PINX1: variants seen among roughly 807,000 people sequenced by gnomAD.
PINX1 encodes PIN2 (TERF1) interacting telomerase inhibitor 1, also known as PIN2/TERF1-interacting telomerase inhibitor 1.
PINX1 carries 34 observed loss-of-function variants against 25.4 expected under a neutral mutation model. That is an observed-to-expected ratio of 1.34 (90% CI 1.02 to 1.78). PINX1 has a LOEUF of 1.78. PINX1 is among the 40% of genes most tolerant of loss of function. The pLI, the probability that PINX1 is intolerant of heterozygous loss-of-function variation, is 0.00. For missense variants in PINX1, 592 were observed against 404.9 expected, an observed-to-expected ratio of 1.46 and a Z score of -3.97; for synonymous variants, 197 against 147.7, an observed-to-expected ratio of 1.33 and a Z score of -2.42.
At chr8:10,828,770 G>C (rs558104355) in intron 4 of PINX1, among the ~76,000 whole-genome samples, 92 of 152,162 alleles carry the variant, frequency 6.0e-4, no homozygotes, top group African/African-American at 2.0e-3. Flanking sequence ...CCTTTCCCGG[G>C]TATCCCCTCC....
intron 6 of PINX1, among the ~76,000 whole-genome samples, chr8:10,788,666 G>C (rs1007002620): frequency 2.0e-5 from 3 of 152,198 alleles, no homozygotes; most frequent in Non-Finnish European, 4.4e-5. Context: ...CTGTGTCTAA[G>C]TGAAAGTGGT....
In PINX1 at chr8:10,839,752, G is replaced by A. The variant is rs1272052559; in HGVS notation, c.5C>T (p.Ser2Phe). The change falls in exon 1 of 7, where the codon TCT (serine) becomes TTT (phenylalanine). Residue 2 changes from serine (S) to phenylalanine (F), a missense_variant. By Grantham distance (155) the Ser-to-Phe change is radical. Coordinates refer to ENST00000314787, the MANE Select transcript of PINX1 (RefSeq NM_017884.6). MSMLAERRRKQK... is the reference protein window; with the variant it reads MFMLAERRRKQK... The stretch of plus-strand genomic sequence containing the variant: ...CCGACACTCACGTTCAGCCAGCATA[G>A]ACATGTCGGAGAGCCTGTGATACCG... 9 of 1,605,256 alleles carry A rather than the reference G, an allele frequency of 5.6e-6. No homozygotes were observed. Among genetic ancestry groups the A allele is most frequent in the African/African-American group, 1.3e-5 (1 of 74,862 alleles).
intron 5 of PINX1, chr8:10,825,271 G>A (rs1798000492): frequency 1.9e-6 from 1 of 520,612 alleles, no homozygotes; most frequent in Admixed American, 2.0e-5. Context: ...TGATACGCAT[G>A]ACATTCCTAG....
rs11989690 is a variant in PINX1, at chr8:10,821,170, C to A, written c.395-901G>T. ...GTCAGACACAGGAATGTGAGTCTCA[C>A]GCTGGAAGCCGAGTTCCACCGTCAC... On this transcript the variant is annotated intron_variant, in intron 5 of 6. Coordinates refer to ENST00000314787, the MANE Select transcript of PINX1 (RefSeq NM_017884.6). 8.8e-3 allele frequency among the ~76,000 whole-genome samples: 1,340 copies of A among 152,308 alleles called. 24 individuals carry two copies. The highest frequency in any genetic ancestry group is 0.031 in the African/African-American group (1,279 of 41,550).
At chr8:10,814,222 T>C (rs76418714) in intron 6 of PINX1, among the ~76,000 whole-genome samples, 2,626 of 152,186 alleles carry the variant, frequency 0.017, 92 homozygotes, top group African/African-American at 0.058. Context: ...AGGAAGAACT[T>C]GGAAATTAGA....
rs1001223213 is a variant in PINX1, at chr8:10,765,485, C to T, written c.903G>A (p.Lys301=). 3.1e-6 allele frequency: 5 copies of T among 1,613,436 alleles called. No homozygotes were observed. Among genetic ancestry groups the T allele is most frequent in the African/African-American group, 1.3e-5 (1 of 74,956 alleles). Residue 301 remains lysine, a synonymous_variant, in exon 7 of 7, where the codon AAG becomes AAA. Transcript: ENST00000314787. ...CTGCTATCTCTACTGGTTTTTGCAG[C>T]TTTTTCTTCCCTCTCCTCTTTTTGG... ...LKPKKRRGKK[K]LQKPVEIAED... is the part of the protein sequence containing the mutation.
chr8:10,839,679 C>G, intron 1 of PINX1, 59 bp downstream of exon 1: 1 of 1,542,160 alleles, frequency 6.5e-7, no homozygotes, highest in African/African-American at 1.4e-5. Context: ...GGCTGCCGTG[C>G]GCGTCACCCG....
intron 6 of PINX1, among the ~76,000 whole-genome samples, chr8:10,810,325 G>C (rs1473423880): frequency 1.3e-5 from 2 of 152,080 alleles, no homozygotes; most frequent in African/African-American, 4.8e-5. Context: ...GACCCCACTG[G>C]CATTTGTGTT....
chr8:10,790,430 G>A (rs1427809398), intron 6 of PINX1, among the ~76,000 whole-genome samples: 1 of 152,114 alleles, frequency 6.6e-6, no homozygotes, highest in East Asian at 1.9e-4. Context: ...GCCAGGGGGA[G>A]GAAGCAAGGG....
At chr8:10,819,691 A>G (rs1009294015) in intron 6 of PINX1, among the ~76,000 whole-genome samples, 1 of 152,224 alleles carries the variant, frequency 6.6e-6, no homozygotes, top group Non-Finnish European at 1.5e-5. Flanking sequence ...ATAATATTGT[A>G]TAATAGAGGA....
intron 6 of PINX1, among the ~76,000 whole-genome samples, chr8:10,780,364 G>A (rs575740277): frequency 6.6e-6 from 1 of 152,202 alleles, no homozygotes; most frequent in African/African-American, 2.4e-5. Context: ...TTCATAAGTG[G>A]CCTTTATTTT....
At chr8:10,838,964 G>C (rs1438005531) in intron 1 of PINX1, among the ~76,000 whole-genome samples, 1 of 152,164 alleles carries the variant, frequency 6.6e-6, no homozygotes, top group East Asian at 1.9e-4. Context: ...GTGCTGGTCT[G>C]CTTGATCTGT....
At position 10,796,302 on chromosome 8, in the gene PINX1, A is replaced by G. The variant is rs1043669091; in HGVS notation, c.471+23891T>C. On this transcript the variant is annotated intron_variant, in intron 6 of 6. Coordinates refer to ENST00000314787, the MANE Select transcript of PINX1 (RefSeq NM_017884.6). ...AAGACTCCAGGCATGCGAAAGGCAC[A>G]GGATCCCCGGGGGGAAATGGACAAT... 2.4e-4 allele frequency among the ~76,000 whole-genome samples: 37 copies of G among 152,290 alleles called. 1 individual carries two copies. Among genetic ancestry groups the G allele is most frequent in the African/African-American group, 8.7e-4 (36 of 41,566 alleles).
chr8:10,768,930 T>C (rs755487429), intron 6 of PINX1, among the ~76,000 whole-genome samples: 4 of 152,202 alleles, frequency 2.6e-5, no homozygotes, highest in African/African-American at 9.7e-5. Flanking sequence ...TTTAAGCATT[T>C]TGAAATGACA....
chr8:10,827,877 C>T (rs1426392986), intron 4 of PINX1, among the ~76,000 whole-genome samples: 3 of 145,958 alleles, frequency 2.1e-5, no homozygotes, highest in Non-Finnish European at 4.5e-5. Context: ...CGCCACTGCA[C>T]TCCAGCCTGG....
chr8:10,780,803 G>A (rs1391707757), intron 6 of PINX1, among the ~76,000 whole-genome samples: 1 of 152,166 alleles, frequency 6.6e-6, no homozygotes, highest in Non-Finnish European at 1.5e-5. Context: ...CAGATTCAAT[G>A]TAATCTGCCA....
chr8:10,839,862 G>T lies in PINX1; in HGVS notation c.-106C>A, dbSNP rs1409683880. 3.7e-6 allele frequency: 4 copies of T among 1,081,378 alleles called. No homozygotes were observed. The highest frequency in any genetic ancestry group is 4.0e-6 in the Non-Finnish European group (3 of 753,118). The allele number at this position is 1,081,378 out of a possible 1,614,324, so 67.0% of individuals were successfully genotyped here. A position where few individuals can be genotyped will look rare whatever the true frequency, so the allele number is the denominator to read the frequency against. On this transcript the variant is annotated 5_prime_UTR_variant, in exon 1 of 7. Coordinates refer to ENST00000314787, the MANE Select transcript of PINX1 (RefSeq NM_017884.6). ...GGACGTGCGTAACTCCCTCGCCGGC[G>T]GACTGCAGCGGACGGGGCGCGTGCT...
Position 10,823,343 on chromosome 8 carries a change from T to C in PINX1, c.394+2809A>G, listed in dbSNP as rs185271468. ...GATTCCCAGGATAAAGCTGCACAATTACAGTTTATGCAACTTTCATCCAAC... is the reference window on the plus strand; with the variant it reads ...GATTCCCAGGATAAAGCTGCACAATCACAGTTTATGCAACTTTCATCCAAC... On this transcript the variant is annotated intron_variant, in intron 5 of 6. Transcript: ENST00000314787. 2.7e-4 allele frequency among the ~76,000 whole-genome samples: 41 copies of C among 152,204 alleles called. 1 individual carries two copies. In the Middle Eastern group the frequency reaches 0.014, roughly 51 times the overall value.
intron 1 of PINX1, among the ~76,000 whole-genome samples, chr8:10,837,586 C>T (rs1036982715): frequency 6.6e-6 from 1 of 152,182 alleles, no homozygotes. Flanking sequence ...AGGTAGAATG[C>T]CCTGAATCTG....
Sources: gnomAD v4.1 joint callset for allele counts (sites outside exome capture counted in the v4.1 genomes callset) on GRCh38, gnomAD v4.1.1 for gene constraint, MANE v1.5 for transcripts, NCBI Gene and HGNC (gene_info 2026-07-23, HGNC 2026-07-21) for gene names.